Variants in HECW1 observed in about 807,000 individuals in gnomAD.
HECW1 encodes HECT, C2 and WW domain containing E3 ubiquitin protein ligase 1.
A neutral mutation model predicts 182.3 loss-of-function variants in HECW1; 61 were observed. That is an observed-to-expected ratio of 0.33 (90% CI 0.27 to 0.41). HECW1 has a LOEUF of 0.41. Ranked by LOEUF, HECW1 falls within the 10% of genes least tolerant of loss-of-function variation. HECW1 has a pLI of 1.00. For missense variants in HECW1, 1,739 were observed against 2,108.9 expected (o/e 0.82, Z 3.44); for synonymous variants, 859 against 832.6 (o/e 1.03, Z -0.55).
intron 8 of HECW1, among the ~76,000 whole-genome samples, chr7:43,412,723 G>A (rs57950981): frequency 2.0e-5 from 3 of 151,280 alleles, no homozygotes; most frequent in South Asian, 2.1e-4. Flanking sequence ...TAGTTCTTGC[G>A]ATAGTTTACT....
At chr7:43,445,639 A>G in intron 11 of HECW1, 69 bp downstream of exon 11, 1 of 1,460,346 alleles carries the variant, frequency 6.8e-7, no homozygotes, top group East Asian at 2.5e-5. Context: ...CCAACAGTTT[A>G]AAAACAAGAA....
At chr7:43,477,686 A>G (rs1298746516) in intron 16 of HECW1, among the ~76,000 whole-genome samples, 1 of 152,192 alleles carries the variant, frequency 6.6e-6, no homozygotes, top group East Asian at 1.9e-4. Context: ...ACATGATATT[A>G]GTAGTGTTGT....
chr7:43,333,379 G>A (rs186453837), intron 5 of HECW1, among the ~76,000 whole-genome samples: 8 of 152,178 alleles, frequency 5.3e-5, no homozygotes, highest in Admixed American at 3.9e-4. Context: ...GATTTCAATC[G>A]CTTCCTCACA....
At chr7:43,488,447 A>G (rs1177403702) in intron 17 of HECW1, among the ~76,000 whole-genome samples, 1 of 136,950 alleles carries the variant, frequency 7.3e-6, no homozygotes, top group African/African-American at 2.9e-5. Context: ...AAAGAAAGAA[A>G]GAAAGAAAGA....
At chr7:43,199,223 G>A (rs978763828) in intron 2 of HECW1, among the ~76,000 whole-genome samples, 4 of 152,150 alleles carry the variant, frequency 2.6e-5, no homozygotes, top group East Asian at 1.9e-4. Context: ...TTAGCTCTCC[G>A]TTCAACTCAC....
intron 5 of HECW1, among the ~76,000 whole-genome samples, chr7:43,325,863 A>G (rs1810703444): frequency 6.6e-6 from 1 of 152,154 alleles, no homozygotes. Context: ...CTGTGGTCTC[A>G]TCATTCCCTG....
intron 2 of HECW1, among the ~76,000 whole-genome samples, chr7:43,169,690 C>CTTTTTTTTTTTT (rs374141328): frequency 2.6e-5 from 3 of 113,454 alleles, no homozygotes; most frequent in South Asian, 2.8e-4. Context: ...TTTTTCTTTT[C>CTTTTTTTTTTTT]TTTTTTTTTT....
At position 43,438,104 on chromosome 7, in the gene HECW1, G is replaced by A. The variant is rs1202966435; in HGVS notation, c.903G>A (p.Leu301=). The stretch of plus-strand genomic sequence containing the variant: ...TCATCAAGCGCTTCTTGGGAAAGCT[G>A]TCGATGCCCGTTCAAAGACTCCTGG... ...RPIIKRFLGK[L]SMPVQRLLER... is the part of the protein sequence containing the mutation. The change falls in exon 9 of 30, where the codon CTG becomes CTA. Residue 301 remains leucine, a synonymous_variant. Transcript: ENST00000395891. 1.2e-6 allele frequency: 2 copies of A among 1,614,134 alleles called. No homozygotes were observed. The highest frequency in any genetic ancestry group is 2.2e-5 in the East Asian group (1 of 44,876).
At chr7:43,417,423 CT>C (rs1192212583) in intron 8 of HECW1, among the ~76,000 whole-genome samples, 1 of 152,158 alleles carries the variant, frequency 6.6e-6, no homozygotes, top group African/African-American at 2.4e-5. Flanking sequence ...TTCCCCTGGC[CT>C]TTCTAGAGTG....
intron 6 of HECW1, among the ~76,000 whole-genome samples, chr7:43,365,781 A>G (rs1816565155): frequency 6.6e-6 from 1 of 152,140 alleles, no homozygotes; most frequent in Non-Finnish European, 1.5e-5. Context: ...ATAACATTCA[A>G]AGTAAAGTTA....
At chr7:43,196,651 G>A (rs957204062) in intron 2 of HECW1, among the ~76,000 whole-genome samples, 6 of 152,218 alleles carry the variant, frequency 3.9e-5, no homozygotes, top group Non-Finnish European at 5.9e-5. Context: ...ACCTGAGCGG[G>A]AGATGGGCCG....
chr7:43,513,643 G>A (rs781221637), intron 24 of HECW1, among the ~76,000 whole-genome samples: 4 of 143,130 alleles, frequency 2.8e-5, no homozygotes, highest in African/African-American at 5.1e-5. Context: ...TGTTACACAC[G>A]TTAAGTAAGC....
At chr7:43,521,630 C>A (rs1410636572) in intron 24 of HECW1, among the ~76,000 whole-genome samples, 9 of 152,188 alleles carry the variant, frequency 5.9e-5, no homozygotes, top group Non-Finnish European at 1.3e-4. Context: ...AATCCCAGCA[C>A]TTTGGGAGGC....
chr7:43,384,730 T>C (rs1036180787), intron 6 of HECW1, among the ~76,000 whole-genome samples: 2 of 152,150 alleles, frequency 1.3e-5, no homozygotes, highest in African/African-American at 2.4e-5. Flanking sequence ...CCATTCTTCT[T>C]TGGATTATCC....
intron 6 of HECW1, among the ~76,000 whole-genome samples, chr7:43,381,240 A>G (rs1276884592): frequency 1.3e-5 from 2 of 152,040 alleles, no homozygotes; most frequent in Non-Finnish European, 2.9e-5. Flanking sequence ...TTCTGGATAT[A>G]GTTCTTTGTT....
intron 8 of HECW1, among the ~76,000 whole-genome samples, chr7:43,415,924 ATTC>A (rs1244312520): frequency 1.6e-5 from 2 of 126,892 alleles, no homozygotes; most frequent in Non-Finnish European, 3.3e-5. Flanking sequence ...CTAGTTATAC[ATTC>A]TTCTAAATTT....
chr7:43,292,963 A>G (rs997720981), intron 3 of HECW1, among the ~76,000 whole-genome samples: 1 of 152,156 alleles, frequency 6.6e-6, no homozygotes, highest in East Asian at 1.9e-4. Flanking sequence ...AGTACGTCAC[A>G]CCTGTAATCC....
At chr7:43,335,229 C>T (rs1160755777) in intron 5 of HECW1, among the ~76,000 whole-genome samples, 1 of 152,174 alleles carries the variant, frequency 6.6e-6, no homozygotes, top group Non-Finnish European at 1.5e-5. Flanking sequence ...CTAGCCTAAT[C>T]ACCAGCAGTT....
chr7:43,532,589 T>G (rs535725740), intron 24 of HECW1, among the ~76,000 whole-genome samples: 1 of 152,140 alleles, frequency 6.6e-6, no homozygotes, highest in African/African-American at 2.4e-5. Context: ...CTCTTTGCAT[T>G]GCTCAAGCAA....
Sources: allele counts gnomAD v4.1 joint callset (sites outside exome capture counted in the v4.1 genomes callset), GRCh38; gene constraint gnomAD v4.1.1; transcripts MANE v1.5; gene names NCBI Gene and HGNC (gene_info 2026-07-23, HGNC 2026-07-21).